ZNF138: variants seen among roughly 807,000 people sequenced by gnomAD.
ZNF138 encodes the protein zinc finger protein 138.
ZNF138 carries 33 observed loss-of-function variants against 33.0 expected under a neutral mutation model. The observed-to-expected ratio is 1.00, with a 90% CI of 0.76 to 1.34. The LOEUF is 1.34. Ranked by LOEUF, ZNF138 falls within the 40% of genes most tolerant of loss-of-function variation. The pLI is 0.00. For missense variants in ZNF138, 360 were observed against 370.8 expected, an observed-to-expected ratio of 0.97 and a Z score of 0.24; for synonymous variants, 139 against 120.4, an observed-to-expected ratio of 1.15 and a Z score of -1.01.
At chr7:64,826,011 ATTT>A (rs1441305108) in intron 3 of ZNF138, among the ~76,000 whole-genome samples, 1 of 151,222 alleles carries the variant, frequency 6.6e-6, no homozygotes. Context: ...TTATTTATGT[ATTT>A]TTTGTAGTGA....
the ZNF138 span, among the ~76,000 whole-genome samples, chr7:64,860,391 A>T: frequency 6.6e-6 from 1 of 152,188 alleles, no homozygotes; most frequent in Non-Finnish European, 1.5e-5. Context: ...CCTAAGTGAA[A>T]CGTGGTACAC....
chr7:64,815,736 AATCTG>A, intron 3 of ZNF138, 83 bp downstream of exon 3: 1 of 1,268,464 alleles, frequency 7.9e-7, no homozygotes, highest in Non-Finnish European at 1.1e-6. Context: ...GTGATTTGGA[AATCTG>A]TATTCCAAAG....
intron 3 of ZNF138, among the ~76,000 whole-genome samples, chr7:64,823,666 G>A (rs918030766): frequency 2.6e-5 from 4 of 152,148 alleles, no homozygotes; most frequent in South Asian, 2.1e-4. Flanking sequence ...GCAGCTGGGC[G>A]CAGCAGTTCA....
the ZNF138 span, among the ~76,000 whole-genome samples, chr7:64,851,384 A>G: frequency 2.6e-5 from 4 of 152,286 alleles, no homozygotes; most frequent in Admixed American, 2.0e-4. Context: ...TTGGGCTGCA[A>G]TGTTGGCAAT....
At chr7:64,850,222 C>T in the ZNF138 span, among the ~76,000 whole-genome samples, 1 of 152,200 alleles carries the variant, frequency 6.6e-6, no homozygotes, top group African/African-American at 2.4e-5. Context: ...TTTCAGGTTC[C>T]CCAGTGAGGG....
the ZNF138 span, among the ~76,000 whole-genome samples, chr7:64,840,064 G>A: frequency 4.6e-5 from 7 of 152,090 alleles, no homozygotes; most frequent in Non-Finnish European, 7.4e-5. Context: ...GCGTTAGTCG[G>A]GGTGGTGGGA....
intron 1 of ZNF138, 21 bp downstream of exon 1, chr7:64,794,592 A>T: frequency 6.2e-7 from 1 of 1,613,430 alleles, no homozygotes; most frequent in South Asian, 1.1e-5. Context: ...TGGGTCCGAC[A>T]TCCCGAGAGA....
intron 1 of ZNF138, among the ~76,000 whole-genome samples, chr7:64,798,405 G>C (rs1475815843): frequency 1.3e-5 from 2 of 152,222 alleles, no homozygotes; most frequent in South Asian, 4.1e-4. Context: ...TATTTTATTT[G>C]ACCGCTGAAG....
At chr7:64,828,660 T>C (rs1008607177) in intron 3 of ZNF138, among the ~76,000 whole-genome samples, 1 of 152,154 alleles carries the variant, frequency 6.6e-6, no homozygotes, top group African/African-American at 2.4e-5. Context: ...TGAAAGTATA[T>C]ATATGTTGCA....
intron 1 of ZNF138, among the ~76,000 whole-genome samples, chr7:64,807,732 C>T (rs78933589): frequency 0.016 from 2,496 of 152,278 alleles, 66 homozygotes; most frequent in African/African-American, 0.056. Flanking sequence ...CTTAAAGCCC[C>T]GCTTTGGGAG....
chr7:64,840,412 TTTA>T, the ZNF138 span, among the ~76,000 whole-genome samples: 23 of 152,302 alleles, frequency 1.5e-4, no homozygotes, highest in African/African-American at 5.3e-4. Flanking sequence ...GGTTAAATTT[TTTA>T]TTTATAATTT....
chr7:64,843,576 G>A, the ZNF138 span, among the ~76,000 whole-genome samples: 1 of 152,002 alleles, frequency 6.6e-6, no homozygotes, highest in Non-Finnish European at 1.5e-5. Context: ...TTGACCATAT[G>A]TATGTCTTGA....
At chr7:64,813,660 T>C (rs978178588) in intron 1 of ZNF138, among the ~76,000 whole-genome samples, 2 of 152,114 alleles carry the variant, frequency 1.3e-5, no homozygotes, top group Non-Finnish European at 2.9e-5. Flanking sequence ...GGTGTCGATC[T>C]CCTGACCTCG....
chr7:64,850,811 C>G, the ZNF138 span, among the ~76,000 whole-genome samples: 1 of 152,174 alleles, frequency 6.6e-6, no homozygotes, highest in African/African-American at 2.4e-5. Context: ...GAAATTTATT[C>G]ACTCTTATTT....
chr7:64,795,241 A>C (rs1014602661), intron 1 of ZNF138, among the ~76,000 whole-genome samples: 5 of 152,196 alleles, frequency 3.3e-5, no homozygotes, highest in African/African-American at 1.2e-4. Context: ...ATTTACAAAA[A>C]AATGCATTTG....
At chr7:64,850,893 T>C in the ZNF138 span, among the ~76,000 whole-genome samples, 1 of 152,230 alleles carries the variant, frequency 6.6e-6, no homozygotes, top group Non-Finnish European at 1.5e-5. Context: ...TTGTAACCCA[T>C]GTTTCTTCTA....
the ZNF138 span, among the ~76,000 whole-genome samples, chr7:64,839,398 G>C: frequency 1.3e-5 from 2 of 152,128 alleles, no homozygotes; most frequent in South Asian, 4.1e-4. Flanking sequence ...CGTCCTTCTG[G>C]GGTCACTCAG....
chr7:64,806,913 A>G (rs1277025307), intron 1 of ZNF138, among the ~76,000 whole-genome samples: 1 of 152,214 alleles, frequency 6.6e-6, no homozygotes, highest in African/African-American at 2.4e-5. Flanking sequence ...ACTGGCCATA[A>G]GCAAAATCTC....
In ZNF138 at chr7:64,832,344, T is replaced by C. The variant is rs1446017825; in HGVS notation, c.*142T>C. 8.3e-6 allele frequency: 13 copies of C among 1,568,430 alleles called. No homozygotes were observed. In the Admixed American group the frequency reaches 2.1e-4, roughly 25 times the overall value. The stretch of plus-strand genomic sequence containing the variant: ...AGAGAAACCCCACAAATGTGAAGAA[T>C]GTGGCAGAGCTTTTAACCAGTCCGC... On this transcript the variant is annotated 3_prime_UTR_variant, in exon 4 of 4. Coordinates refer to ENST00000307355, the MANE Select transcript of ZNF138 (RefSeq NM_001271639.2).
Sources: gnomAD v4.1 joint callset for allele counts (sites outside exome capture counted in the v4.1 genomes callset) on GRCh38, gnomAD v4.1.1 for gene constraint, MANE v1.5 for transcripts, NCBI Gene and HGNC (gene_info 2026-07-23, HGNC 2026-07-21) for gene names.